The following ATF6 variants were observed in gnomAD, a reference collection of about 807,000 sequenced individuals.
ATF6 encodes the protein cyclic AMP-dependent transcription factor ATF-6 alpha.
In ATF6, 53 loss-of-function variants were observed where a neutral mutation model predicts 83.6. The observed-to-expected ratio is 0.63, with a 90% CI of 0.51 to 0.80. The LOEUF is 0.80. ATF6 is among the 30% of genes least tolerant of loss of function. The pLI is 0.00. For synonymous variants in ATF6, 288 were observed against 285.8 expected, an observed-to-expected ratio of 1.01 and a Z score of -0.08; for missense variants, 744 against 797.9, an observed-to-expected ratio of 0.93 and a Z score of 0.81.
chr1:161,815,650 GATTGATAATTAA>G lies in ATF6; in HGVS notation c.910-3967_910-3956del, dbSNP rs200955715. On this transcript the variant is annotated intron_variant, in intron 7 of 15. Coordinates refer to ENST00000367942, the MANE Select transcript of ATF6 (RefSeq NM_007348.4). ...GGTTTTTAGTTTTAAAAACCTTATT[GATTGATAATTAA>G]ATTGATAATTAAATTAAAACAAGCT... 4.0e-3 allele frequency among the ~76,000 whole-genome samples: 611 copies of G among 152,080 alleles called. 6 individuals carry two copies. The highest frequency in any genetic ancestry group is 0.029 in the East Asian group (152 of 5,164).
intron 6 of ATF6, among the ~76,000 whole-genome samples, chr1:161,798,853 A>G (rs112824393): frequency 0.015 from 2,214 of 152,330 alleles, 44 homozygotes; most frequent in African/African-American, 0.049. Flanking sequence ...AAAATGCTCA[A>G]CATCACTAAT....
chr1:161,832,764 G>T (rs1686098858), intron 9 of ATF6, among the ~76,000 whole-genome samples: 1 of 152,238 alleles, frequency 6.6e-6, no homozygotes. Flanking sequence ...TGGGAAGCTT[G>T]AACTGGGTGG....
At chr1:161,892,383 G>A (rs186165615) in intron 14 of ATF6, among the ~76,000 whole-genome samples, 5 of 152,048 alleles carry the variant, frequency 3.3e-5, no homozygotes, top group African/African-American at 1.2e-4. Context: ...AATGAAAAGA[G>A]GAATCTGTGG....
chr1:161,867,252 G>A (rs969401906), intron 14 of ATF6, among the ~76,000 whole-genome samples: 4 of 151,888 alleles, frequency 2.6e-5, no homozygotes, highest in Admixed American at 6.6e-5. Flanking sequence ...CCGAGATCGC[G>A]CCACTGCACT....
intron 3 of ATF6, among the ~76,000 whole-genome samples, chr1:161,782,379 T>C (rs542110647): frequency 6.6e-6 from 1 of 152,290 alleles, no homozygotes; most frequent in East Asian, 1.9e-4. Context: ...ATTTAATACA[T>C]GTACTTCTAA....
At chr1:161,825,016 A>G (rs1211965274) in intron 9 of ATF6, among the ~76,000 whole-genome samples, 1 of 152,176 alleles carries the variant, frequency 6.6e-6, no homozygotes, top group Non-Finnish European at 1.5e-5. Context: ...CAATTCTCCA[A>G]TTCTCTGGAC....
chr1:161,871,580 C>T (rs986081230), intron 14 of ATF6, among the ~76,000 whole-genome samples: 1 of 151,518 alleles, frequency 6.6e-6, no homozygotes, highest in Non-Finnish European at 1.5e-5. Flanking sequence ...GAAAATATTT[C>T]CCCAAAGCAG....
chr1:161,877,847 G>C (rs1687247291), intron 14 of ATF6, among the ~76,000 whole-genome samples: 1 of 152,110 alleles, frequency 6.6e-6, no homozygotes, highest in African/African-American at 2.4e-5. Flanking sequence ...GATAGATTTA[G>C]TGAGAATTGG....
chr1:161,842,627 G>C (rs1001262126), intron 9 of ATF6, among the ~76,000 whole-genome samples: 5 of 152,128 alleles, frequency 3.3e-5, no homozygotes, highest in Non-Finnish European at 5.9e-5. Context: ...ACCAAACAGC[G>C]TTATATTCTC....
intron 9 of ATF6, among the ~76,000 whole-genome samples, chr1:161,831,102 G>GA (rs544557844): frequency 2.0e-5 from 3 of 151,750 alleles, no homozygotes; most frequent in African/African-American, 4.8e-5. Context: ...AAATTTACAA[G>GA]AAAAAAACAA....
intron 15 of ATF6, among the ~76,000 whole-genome samples, chr1:161,931,929 A>C (rs1688442053): frequency 6.6e-6 from 1 of 152,172 alleles, no homozygotes; most frequent in Non-Finnish European, 1.5e-5. Flanking sequence ...AAAGGTCTCC[A>C]GTTGTGGAGT....
At chr1:161,866,914 A>C (rs1033780098) in intron 14 of ATF6, among the ~76,000 whole-genome samples, 1 of 151,958 alleles carries the variant, frequency 6.6e-6, no homozygotes, top group Non-Finnish European at 1.5e-5. Context: ...CATCCAGCTA[A>C]TTTTTATTTA....
At chr1:161,871,492 A>C (rs946181370) in intron 14 of ATF6, among the ~76,000 whole-genome samples, 4 of 151,620 alleles carry the variant, frequency 2.6e-5, no homozygotes, top group African/African-American at 9.7e-5. Flanking sequence ...AACTTAAAAT[A>C]AAAGTTAAAA....
intron 7 of ATF6, among the ~76,000 whole-genome samples, chr1:161,805,109 AGTCTCAATGTATGAAT>A (rs1363023233): frequency 2.0e-5 from 3 of 152,168 alleles, no homozygotes; most frequent in African/African-American, 7.2e-5. Context: ...TTGTCAGCAA[AGTCTCAATGTATGAAT>A]GTCTACATTT....
intron 15 of ATF6, among the ~76,000 whole-genome samples, chr1:161,921,035 G>A (rs1019006705): frequency 2.6e-5 from 4 of 151,954 alleles, no homozygotes; most frequent in Non-Finnish European, 4.4e-5. Context: ...CTGGCCATCC[G>A]TTGTTTTTTG....
chr1:161,795,625 A>G (rs1219737247), intron 6 of ATF6, among the ~76,000 whole-genome samples: 2 of 152,254 alleles, frequency 1.3e-5, no homozygotes, highest in African/African-American at 2.4e-5. Flanking sequence ...AAAAAAATAT[A>G]TGGCATTGAA....
chr1:161,836,421 A>G (rs887000166), intron 9 of ATF6, among the ~76,000 whole-genome samples: 2 of 152,232 alleles, frequency 1.3e-5, no homozygotes, highest in African/African-American at 2.4e-5. Context: ...GTTTTTGGCT[A>G]AAAGTACTTT....
At chr1:161,843,270 G>A (rs564294794) in intron 9 of ATF6, among the ~76,000 whole-genome samples, 1 of 124,368 alleles carries the variant, frequency 8.0e-6, no homozygotes, top group African/African-American at 2.6e-5. Flanking sequence ...CACAGACAGT[G>A]ACCTTGGCTG....
chr1:161,834,109 C>G (rs1334403135), intron 9 of ATF6, among the ~76,000 whole-genome samples: 1 of 152,092 alleles, frequency 6.6e-6, no homozygotes, highest in Non-Finnish European at 1.5e-5. Flanking sequence ...ATTCAACATT[C>G]CTAAAGAAAA....
Sources: gnomAD v4.1 joint callset for allele counts (sites outside exome capture counted in the v4.1 genomes callset) on GRCh38, gnomAD v4.1.1 for gene constraint, MANE v1.5 for transcripts, NCBI Gene and HGNC (gene_info 2026-07-23, HGNC 2026-07-21) for gene names.